Variants in SND1 observed in about 807,000 individuals in gnomAD.
The protein encoded by SND1 is staphylococcal nuclease domain-containing protein 1.
Under a neutral mutation model 121.7 loss-of-function variants are expected in SND1, and 38 were observed. That is an observed-to-expected ratio of 0.31 (90% CI 0.24 to 0.41). SND1 has a LOEUF of 0.41. Among genes scored for constraint, SND1 ranks in the 10% least tolerant of loss-of-function variants. SND1 has a pLI of 1.00. For missense variants in SND1, 868 were observed against 1,184.6 expected (o/e 0.73, Z 3.92); for synonymous variants, 401 against 447.4 (o/e 0.90, Z 1.31).
At chr7:127,691,168 C>CT (rs2116316959) in intron 2 of SND1, among the ~76,000 whole-genome samples, 1 of 152,056 alleles carries the variant, frequency 6.6e-6, no homozygotes, top group East Asian at 1.9e-4. Context: ...CACTAAAGAA[C>CT]TTATTCATTT....
chr7:127,730,214 G>T (rs1249855414), intron 10 of SND1, among the ~76,000 whole-genome samples: 1 of 152,136 alleles, frequency 6.6e-6, no homozygotes, highest in Admixed American at 6.5e-5. Context: ...TGATCCACCC[G>T]CCCCGGCTTC....
intron 1 of SND1, among the ~76,000 whole-genome samples, chr7:127,675,995 T>C (rs549927083): frequency 2.6e-5 from 4 of 152,140 alleles, no homozygotes; most frequent in Non-Finnish European, 5.9e-5. Flanking sequence ...TTCCAGGAGG[T>C]TGAGTGAGTT....
chr7:127,798,757 T>G (rs1798072575), intron 10 of SND1, among the ~76,000 whole-genome samples: 1 of 152,156 alleles, frequency 6.6e-6, no homozygotes, highest in South Asian at 2.1e-4. Context: ...ATTTAAAAAT[T>G]CACATGGTCA....
At position 127,695,637 on chromosome 7, in the gene SND1, G is replaced by A. The variant is rs899961536; in HGVS notation, c.349+689G>A. On this transcript the variant is annotated intron_variant, in intron 3 of 23. Coordinates refer to ENST00000354725, the MANE Select transcript of SND1 (RefSeq NM_014390.4). ...TCTTAAGCACAAGAGTTCGAGACCA[G>A]CCTGGGGCAACATGGTAAAACCCCG... Among the ~76,000 whole-genome samples, 11 of 152,266 alleles carry A rather than the reference G, an allele frequency of 7.2e-5. 1 individual carries two copies. Among genetic ancestry groups the A allele is most frequent in the African/African-American group, 2.6e-4 (11 of 41,560 alleles).
chr7:127,972,424 A>G (rs1291193079), intron 15 of SND1, among the ~76,000 whole-genome samples: 2 of 151,558 alleles, frequency 1.3e-5, no homozygotes, highest in Non-Finnish European at 2.9e-5. Context: ...ACACCATGCT[A>G]ATTTTTATAT....
chr7:127,919,247 T>C (rs1800650166), intron 14 of SND1, among the ~76,000 whole-genome samples: 1 of 152,206 alleles, frequency 6.6e-6, no homozygotes, highest in South Asian at 2.1e-4. Context: ...TATTATAGGT[T>C]ACTTGCTGAC....
At chr7:127,899,698 G>A (rs1212725245) in intron 13 of SND1, among the ~76,000 whole-genome samples, 1 of 152,170 alleles carries the variant, frequency 6.6e-6, no homozygotes, top group Non-Finnish European at 1.5e-5. Context: ...ATTGAGAAGT[G>A]ATGTGGGAGT....
At chr7:127,881,604 C>T (rs1254211581) in intron 12 of SND1, among the ~76,000 whole-genome samples, 1 of 152,134 alleles carries the variant, frequency 6.6e-6, no homozygotes, top group Non-Finnish European at 1.5e-5. Flanking sequence ...ATATGCATTA[C>T]CTTTGGCTGT....
At chr7:127,830,394 T>C (rs1406285078) in intron 11 of SND1, among the ~76,000 whole-genome samples, 2 of 152,130 alleles carry the variant, frequency 1.3e-5, no homozygotes, top group Admixed American at 6.5e-5. Context: ...TTTTAGCCAA[T>C]TGGTTAAGTG....
rs1288941086 is a variant in SND1, at chr7:127,970,647, C to T, written c.1670-20300C>T. ...TACATGAACTTGTATGAAAGTATAT[C>T]ACAGTCTCTCATTTTCTGTTGAGCA... On this transcript the variant is annotated intron_variant, in intron 15 of 23. Coordinates refer to ENST00000354725, the MANE Select transcript of SND1 (RefSeq NM_014390.4). Among the ~76,000 whole-genome samples the T allele has an allele frequency of 2.0e-5, 3 of 152,180 alleles. No individual in the cohort carries two copies. The East Asian group carries it at 5.8e-4, about 29-fold the overall frequency.
rs1351510004 is a variant in SND1, at chr7:127,923,769, A to G, written c.1528-5419A>G. Among the ~76,000 whole-genome samples, 3 of 152,196 alleles carry G rather than the reference A, an allele frequency of 2.0e-5. No homozygotes were observed. The East Asian group carries it at 5.8e-4, about 29-fold the overall frequency. On this transcript the variant is annotated intron_variant, in intron 14 of 23. Transcript: ENST00000354725. ...TTCTCCTGGTCTGCACAACCCAGAA[A>G]AACATAGATAACGATGGCAGTGAAT...
chr7:127,711,196 A>G (rs1241896265), intron 9 of SND1, among the ~76,000 whole-genome samples: 2 of 151,938 alleles, frequency 1.3e-5, no homozygotes, highest in Admixed American at 1.3e-4. Context: ...TCTTTGCCTT[A>G]CTCTTGGATT....
At chr7:127,698,691 G>A (rs1796050207) in intron 3 of SND1, among the ~76,000 whole-genome samples, 184 bp from the exon 4 acceptor site, 1 of 152,214 alleles carries the variant, frequency 6.6e-6, no homozygotes, top group Admixed American at 6.5e-5. Flanking sequence ...TTGGGTCCTA[G>A]AGACTAGATA....
At chr7:127,847,221 G>A (rs564917125) in intron 12 of SND1, among the ~76,000 whole-genome samples, 3 of 152,210 alleles carry the variant, frequency 2.0e-5, no homozygotes, top group Non-Finnish European at 2.9e-5. Flanking sequence ...GCAGTGAGCC[G>A]AGATCATGCC....
At chr7:127,758,249 A>G (rs1469623385) in intron 10 of SND1, among the ~76,000 whole-genome samples, 1 of 152,240 alleles carries the variant, frequency 6.6e-6, no homozygotes, top group Non-Finnish European at 1.5e-5. Context: ...TTTGACAAAC[A>G]AGGAAATCAA....
chr7:127,939,214 C>G (rs1233283427), intron 15 of SND1, among the ~76,000 whole-genome samples: 1 of 152,152 alleles, frequency 6.6e-6, no homozygotes, highest in East Asian at 1.9e-4. Flanking sequence ...GTACGGTGTA[C>G]CATCTGAGGA....
chr7:127,879,493 T>G (rs1799750860), intron 12 of SND1, among the ~76,000 whole-genome samples: 3 of 152,160 alleles, frequency 2.0e-5, no homozygotes, highest in African/African-American at 7.2e-5. Flanking sequence ...TGTTGTTGAA[T>G]CCTGTGGTGA....
chr7:128,024,834 G>A (rs983149661), intron 16 of SND1, among the ~76,000 whole-genome samples: 12 of 152,172 alleles, frequency 7.9e-5, no homozygotes, highest in Middle Eastern at 3.2e-3. Context: ...GTGGAGAAGA[G>A]GAGCAAAAGA....
At chr7:127,735,339 G>A (rs563353409) in intron 10 of SND1, among the ~76,000 whole-genome samples, 22 of 152,192 alleles carry the variant, frequency 1.4e-4, no homozygotes, top group African/African-American at 4.6e-4. Flanking sequence ...ACTGTAACAC[G>A]TGCTTTCTTA....
Sources: gnomAD v4.1 joint callset for allele counts (sites outside exome capture counted in the v4.1 genomes callset) on GRCh38, gnomAD v4.1.1 for gene constraint, MANE v1.5 for transcripts, NCBI Gene and HGNC (gene_info 2026-07-23, HGNC 2026-07-21) for gene names.